The following B4GALT7 variants were observed in gnomAD, a reference collection of about 807,000 sequenced individuals.
B4GALT7 encodes the protein beta-1,4-galactosyltransferase 7, also known as UDP-Gal:beta-GlcNAc beta-1,4-galactosyltransferase 7.
Under a neutral mutation model 33.0 loss-of-function variants are expected in B4GALT7, and 30 were observed. The observed-to-expected ratio is 0.91, with a 90% CI of 0.68 to 1.23. B4GALT7 has a LOEUF of 1.23. B4GALT7 is among the 50% of genes most tolerant of loss of function. The probability of loss-of-function intolerance (pLI) is 0.00; values close to 1 mark genes in which losing one functional copy is unlikely to be tolerated. For missense variants in B4GALT7, 507 were observed against 450.8 expected (o/e 1.12, Z -1.13); for synonymous variants, 213 against 187.2 (o/e 1.14, Z -1.13).
At chr5:177,602,946 G>A in intron 1 of B4GALT7, 1 of 692,330 alleles carries the variant, frequency 1.4e-6, no homozygotes, top group Non-Finnish European at 1.8e-6. Context: ...GCAGTGGCGT[G>A]ATCTCAGCTC....
intron 2 of B4GALT7, 33 bp downstream of exon 2, chr5:177,604,574 C>A: frequency 6.2e-7 from 1 of 1,612,852 alleles, no homozygotes; most frequent in South Asian, 1.1e-5. Context: ...CCCCTCGGCA[C>A]CCCTGCCCGG....
intron 1 of B4GALT7, among the ~76,000 whole-genome samples, chr5:177,603,570 C>T (rs1767897038): frequency 1.3e-5 from 2 of 152,184 alleles, no homozygotes; most frequent in Non-Finnish European, 2.9e-5. Context: ...AGTGAACCGC[C>T]ACTGACAGTT....
At chr5:177,607,108 GC>G in intron 2 of B4GALT7, 193 bp from the exon 3 acceptor site, 1 of 653,526 alleles carries the variant, frequency 1.5e-6, no homozygotes, top group East Asian at 2.7e-5. Context: ...TACCTCCCGT[GC>G]TTTGAATGGT....
rs1392443136 is a variant in B4GALT7 at position 177,603,304 on chromosome 5, G to A, written c.51-875G>A. On this transcript the variant is annotated intron_variant, in intron 1 of 5. Transcript: ENST00000029410. ...TACAGAGGAAGCTTCTCCCTTCATG[G>A]ATTCCTCAGCTCCTGTCTCAGCATA... The A allele has an allele frequency of 5.1e-6, 5 of 985,304 alleles. No individual in the cohort carries two copies. The African/African-American group carries it at 8.7e-5, about 17-fold the overall frequency. The allele number at this position is 985,304 out of a possible 1,614,324, so 61.0% of individuals were successfully genotyped here.
Position 177,609,857 on chromosome 5 carries a change from C to A in B4GALT7, c.*162C>A. On this transcript the variant is annotated 3_prime_UTR_variant, in exon 6 of 6. Coordinates refer to ENST00000029410, the MANE Select transcript of B4GALT7 (RefSeq NM_007255.3). ...ACCCGGCCGCCAAGGCAGGCTTGGG[C>A]TGGGCCAGGACACGTGGGGTGCCTG... The A allele has an allele frequency of 2.1e-6, 2 of 947,184 alleles. No individual in the cohort carries two copies. The highest frequency in any genetic ancestry group is 1.6e-6 in the Non-Finnish European group (1 of 627,540). The allele number at this position is 947,184 out of a possible 1,614,324, so 58.7% of individuals were successfully genotyped here.
rs539086385 is a variant in B4GALT7 at position 177,606,830 on chromosome 5, C to G, written c.414-472C>G. Reference sequence around the variant, plus strand: ...CTGCCTCCTGCCGTGGCAGTGCCATCTCTCCTATGCAGAGCCCTAGGCACC... The same window carrying G: ...CTGCCTCCTGCCGTGGCAGTGCCATGTCTCCTATGCAGAGCCCTAGGCACC... On this transcript the variant is annotated intron_variant, in intron 2 of 5. Transcript: ENST00000029410. The surrounding 1 kb of genome is among the most constrained non-coding windows in gnomAD (Gnocchi z 4.2). 574 of 237,492 alleles carry G rather than the reference C, an allele frequency of 2.4e-3. 4 individuals are homozygous for G. Among genetic ancestry groups the G allele is most frequent in the African/African-American group, 0.012 (549 of 44,714 alleles). 14.7% of individuals were successfully genotyped at this position (237,492 alleles called of 1,614,324 possible). A position where few individuals can be genotyped will look rare whatever the true frequency, so the allele number is the denominator to read the frequency against.
At chr5:177,607,632 T>C (rs2127513447) in intron 3 of B4GALT7, 105 bp downstream of exon 3, 1 of 1,132,404 alleles carries the variant, frequency 8.8e-7, no homozygotes, top group South Asian at 1.3e-5. Context: ...GATGGAGCCC[T>C]GCCCTGGCCT....
In B4GALT7 at chr5:177,608,746, C is replaced by A; in HGVS notation, c.723+124C>A. 2 of 1,138,708 alleles carry A rather than the reference C, an allele frequency of 1.8e-6. No individual in the cohort carries two copies. The highest frequency in any genetic ancestry group is 2.6e-6 in the Non-Finnish European group (2 of 771,592). 70.5% of individuals were successfully genotyped at this position (1,138,708 alleles called of 1,614,324 possible). On this transcript the variant is annotated intron_variant, in intron 4 of 5. Transcript: ENST00000029410. This position sits in a 1 kb window ranked among gnomAD's most constrained non-coding sequence, Gnocchi z 4.1. ...CCTGATTCTGATCCCTGCCCTAACC[C>A]TGCCCTGCATGGTCATCTAGCCAGT...
chr5:177,600,146 G>T lies in B4GALT7; in HGVS notation c.-65G>T. The T allele has an allele frequency of 8.5e-7, 1 of 1,172,686 alleles. No homozygotes were observed. The highest frequency in any genetic ancestry group is 1.1e-6 in the Non-Finnish European group (1 of 941,914). 72.6% of individuals were successfully genotyped at this position (1,172,686 alleles called of 1,614,324 possible). A position where few individuals can be genotyped will look rare whatever the true frequency, so the allele number is the denominator to read the frequency against. The stretch of plus-strand genomic sequence containing the variant: ...GAGCGGGAGGCGGAGGCGCCGCGTA[G>T]GCCCGGGAGGCCGGGCCGGCCGGGC... On this transcript the variant is annotated 5_prime_UTR_variant, in exon 1 of 6. It adds an upstream start codon to the 5' untranslated region. Coordinates refer to ENST00000029410, the MANE Select transcript of B4GALT7 (RefSeq NM_007255.3). The surrounding 1 kb of genome is among the most constrained non-coding windows in gnomAD (Gnocchi z 4.4).
In B4GALT7 at chr5:177,608,602, A is replaced by G. The variant is rs749404371; in HGVS notation, c.703A>G (p.Ile235Val). 2 of 1,613,724 alleles carry G rather than the reference A, an allele frequency of 1.2e-6. No homozygotes were observed. Among genetic ancestry groups the G allele is most frequent in the Non-Finnish European group, 1.7e-6 (2 of 1,179,946 alleles). Residue 235 changes from isoleucine to valine, a missense_variant, in exon 4 of 6, where the codon ATT (isoleucine) becomes GTT (valine). Physicochemically the swap from Ile to Val is conservative, Grantham distance 29. Coordinates refer to ENST00000029410, the MANE Select transcript of B4GALT7 (RefSeq NM_007255.3). This position sits in a 1 kb window ranked among gnomAD's most constrained non-coding sequence, Gnocchi z 4.1. ...GREDDEFYRR[I>V]KGAGLQLFRP... is the part of the protein sequence containing the mutation. ...CGAGGACGACGAGTTCTACCGGCGC[A>G]TTAAGGGAGCTGGGCTCCAGGTGAG... is the stretch of plus-strand genomic sequence containing the variant.
chr5:177,604,321 G>T lies in B4GALT7; in HGVS notation c.193G>T (p.Gly65Trp). Residue 65 changes from glycine to tryptophan, a missense_variant, in exon 2 of 6, where the codon GGG becomes TGG. Gly to Trp is a radical substitution (Grantham distance 184). Coordinates refer to ENST00000029410, the MANE Select transcript of B4GALT7 (RefSeq NM_007255.3). ...GDVARAVRGQ[G>W]QETSGPPRAC... ...CGTGGCCCGGGCAGTCAGGGGACAAGGGCAGGAGACCTCGGGCCCTCCCCG... is the reference window on the plus strand; with the variant it reads ...CGTGGCCCGGGCAGTCAGGGGACAATGGCAGGAGACCTCGGGCCCTCCCCG... 3.7e-6 allele frequency: 6 copies of T among 1,610,836 alleles called. No homozygotes were observed. The highest frequency in any genetic ancestry group is 5.1e-6 in the Non-Finnish European group (6 of 1,178,524).
chr5:177,604,357 C>T lies in B4GALT7; in HGVS notation c.229C>T (p.Pro77Ser), dbSNP rs1229541593. ...ETSGPPRACPPEPPPEHWEED... is the reference protein window; with the variant it reads ...ETSGPPRACPSEPPPEHWEED... ...CTCGGGCCCTCCCCGTGCCTGCCCCCCAGAGCCGCCCCCTGAGCACTGGGA... is the reference window on the plus strand; with the variant it reads ...CTCGGGCCCTCCCCGTGCCTGCCCCTCAGAGCCGCCCCCTGAGCACTGGGA... Residue 77 changes from proline to serine, a missense_variant, in exon 2 of 6, where the codon CCA becomes TCA. By Grantham distance (74) the Pro-to-Ser change is moderately conservative. Transcript: ENST00000029410. 1 of 1,612,368 alleles carries T rather than the reference C, an allele frequency of 6.2e-7. No individual in the cohort carries two copies. Among genetic ancestry groups the T allele is most frequent in the Non-Finnish European group, 8.5e-7 (1 of 1,179,234 alleles).
chr5:177,604,083 G>A, intron 1 of B4GALT7, 96 bp from the exon 2 acceptor site: 1 of 1,570,498 alleles, frequency 6.4e-7, no homozygotes, highest in South Asian at 1.1e-5. Context: ...GGGTAGACGA[G>A]TTATGTGCAG....
Position 177,609,631 on chromosome 5 carries a change from G to A in B4GALT7, c.920G>A (p.Cys307Tyr), listed in dbSNP as rs755898319. ...RTALSVGGAP[C>Y]TVLNIMLDCD... ...GCCCTGTCTGTGGGCGGGGCCCCCTGCACTGTCCTCAACATCATGTTGGAC... is the reference window on the plus strand; with the variant it reads ...GCCCTGTCTGTGGGCGGGGCCCCCTACACTGTCCTCAACATCATGTTGGAC... The change falls in exon 6 of 6, where the codon TGC (cysteine) becomes TAC (tyrosine). Residue 307 changes from cysteine to tyrosine, a missense_variant. Coordinates refer to ENST00000029410, the MANE Select transcript of B4GALT7 (RefSeq NM_007255.3). 1.9e-6 allele frequency: 3 copies of A among 1,613,946 alleles called. No homozygotes were observed. In the Admixed American group the frequency reaches 5.0e-5, roughly 27 times the overall value.
Position 177,609,540 on chromosome 5 carries a change from G to T in B4GALT7, c.829G>T (p.Glu277Ter), listed in dbSNP as rs1481659687. 2 of 1,613,148 alleles carry T rather than the reference G, an allele frequency of 1.2e-6. No individual in the cohort carries two copies. The highest frequency in any genetic ancestry group is 3.3e-5 in the Admixed American group (2 of 60,034). The change falls in exon 6 of 6, where the codon GAG becomes TAG. Residue 277 changes from glutamate to a stop codon, truncating the protein, a stop_gained and splice_region_variant. Transcript: ENST00000029410. LOFTEE classifies it high-confidence loss of function. ...TGCTCTTTCCTCTCTTCCTCCCCAG[G>T]AGCAGTTCAAGGTGGACAGGGAGGG... is the stretch of plus-strand genomic sequence containing the variant. Reference protein sequence around the residue: ...DQKRIAAQKQEQFKVDREGGL... With the variant: ...DQKRIAAQKQ
chr5:177,609,900 C>A lies in B4GALT7; in HGVS notation c.*205C>A. ...GGTGCCTGGGACGCTGCTTGCCATG[C>A]ACAGTGATCAGAGAGAGGCTGGGGT... is the stretch of plus-strand genomic sequence containing the variant. On this transcript the variant is annotated 3_prime_UTR_variant, in exon 6 of 6. Coordinates refer to ENST00000029410, the MANE Select transcript of B4GALT7 (RefSeq NM_007255.3). 1 of 648,888 alleles carries A rather than the reference C, an allele frequency of 1.5e-6. No individual in the cohort carries two copies. Among genetic ancestry groups the A allele is most frequent in the Non-Finnish European group, 2.7e-6 (1 of 370,710 alleles). 40.2% of individuals were successfully genotyped at this position (648,888 alleles called of 1,614,324 possible).
intron 2 of B4GALT7, chr5:177,605,867 ACCCAC>A (rs1314170919): frequency 6.6e-6 from 1 of 152,668 alleles, no homozygotes; most frequent in African/African-American, 2.4e-5. Context: ...AGACTCCTGC[ACCCAC>A]CATGGCACAG....
Position 177,608,059 on chromosome 5 carries a change from A to C in B4GALT7, c.640-480A>C, listed in dbSNP as rs1276251577. On this transcript the variant is annotated intron_variant, in intron 3 of 5. Coordinates refer to ENST00000029410, the MANE Select transcript of B4GALT7 (RefSeq NM_007255.3). This position sits in a 1 kb window ranked among gnomAD's most constrained non-coding sequence, Gnocchi z 4.1. ...GGTGGACGGGCAGGCAGGAAGAAGCACTTGTGGCTCAGGCCTGGGTGTCCT... is the reference window on the plus strand; with the variant it reads ...GGTGGACGGGCAGGCAGGAAGAAGCCCTTGTGGCTCAGGCCTGGGTGTCCT... 2.6e-5 allele frequency: 6 copies of C among 230,490 alleles called. No homozygotes were observed. The highest frequency in any genetic ancestry group is 4.4e-5 in the Non-Finnish European group (5 of 114,900). 14.3% of individuals were successfully genotyped at this position (230,490 alleles called of 1,614,324 possible).
At chr5:177,605,030 C>T in intron 2 of B4GALT7, 1 of 456,052 alleles carries the variant, frequency 2.2e-6, no homozygotes, top group South Asian at 1.5e-5. Flanking sequence ...CAGCCCCCAC[C>T]TCCTTTCCCT....
Sources: gnomAD v4.1 joint callset for allele counts (sites outside exome capture counted in the v4.1 genomes callset) on GRCh38, gnomAD v4.1.1 for gene constraint, Gnocchi (gnomAD v3.1) non-coding constraint, MANE v1.5 for transcripts, NCBI Gene and HGNC (gene_info 2026-07-23, HGNC 2026-07-21) for gene names.